Variants in SLC14A2 observed in about 807,000 individuals in gnomAD.
The protein encoded by SLC14A2 is urea transporter 2.
SLC14A2 carries 91 observed loss-of-function variants against 104.6 expected under a neutral mutation model. That is an observed-to-expected ratio of 0.87 (90% CI 0.73 to 1.04). SLC14A2 has a LOEUF of 1.04. SLC14A2 is among the 50% of genes least tolerant of loss of function. The probability of loss-of-function intolerance (pLI) is 0.00; values close to 1 mark genes in which losing one functional copy is unlikely to be tolerated. For missense variants in SLC14A2, 1,189 were observed against 1,156.0 expected (o/e 1.03, Z -0.41); for synonymous variants, 476 against 466.4 (o/e 1.02, Z -0.27).
chr18:45,551,770 A>G (rs772474003), intron 2 of SLC14A2, among the ~76,000 whole-genome samples: 6 of 152,158 alleles, frequency 3.9e-5, no homozygotes, highest in Non-Finnish European at 8.8e-5. Flanking sequence ...ACAAATGTTG[A>G]TACACTGGCT....
chr18:45,626,605 C>G (rs1309012667), intron 3 of SLC14A2, among the ~76,000 whole-genome samples: 3 of 152,138 alleles, frequency 2.0e-5, no homozygotes, highest in East Asian at 1.9e-4. Flanking sequence ...CCCACCCCCC[C>G]ACCTTCCCCA....
intron 1 of SLC14A2, among the ~76,000 whole-genome samples, chr18:45,238,509 C>A (rs1274567421): frequency 2.0e-5 from 3 of 151,952 alleles, no homozygotes; most frequent in Non-Finnish European, 4.4e-5. Flanking sequence ...TAGCCAGGAA[C>A]AAAAATGAGT....
chr18:45,625,857 C>T lies in SLC14A2; in HGVS notation c.325C>T (p.Leu109=). Residue 109 remains leucine (L), a synonymous_variant, in exon 3 of 20, where the codon CTG becomes TTG. Coordinates refer to ENST00000255226, the MANE Select transcript of SLC14A2 (RefSeq NM_007163.4). ...CGACATGAAGGAGTACAGGATCTGGCTGAAAGGTAGGAAAATACCCTGGGG... is the reference window on the plus strand; with the variant it reads ...CGACATGAAGGAGTACAGGATCTGGTTGAAAGGTAGGAAAATACCCTGGGG... ...TGDMKEYRIW[L]KDKHLALQFI... 1.4e-6 allele frequency: 2 copies of T among 1,467,444 alleles called. No homozygotes were observed. The allele number at this position is 1,467,444 out of a possible 1,614,324, so 90.9% of individuals were successfully genotyped here. A position where few individuals can be genotyped will look rare whatever the true frequency, so the allele number is the denominator to read the frequency against.
the SLC14A2 span, among the ~76,000 whole-genome samples, chr18:45,199,835 G>A: frequency 9.2e-5 from 14 of 152,120 alleles, no homozygotes; most frequent in Non-Finnish European, 7.4e-5. Flanking sequence ...TGGGAACCAC[G>A]ATCATGTGAG....
In SLC14A2 at chr18:45,670,145, G is replaced by A. The variant is rs16978441; in HGVS notation, c.2229+647G>A. ...AAAACAAAAACCCCAAAATCAAATCGTTTTCTTGCTAAATACTGGTGCTTC... is the reference window on the plus strand; with the variant it reads ...AAAACAAAAACCCCAAAATCAAATCATTTTCTTGCTAAATACTGGTGCTTC... On this transcript the variant is annotated intron_variant, in intron 16 of 19. Coordinates refer to ENST00000255226, the MANE Select transcript of SLC14A2 (RefSeq NM_007163.4). Among the ~76,000 whole-genome samples the A allele has an allele frequency of 8.5e-3, 1,288 of 152,016 alleles. 55 individuals are homozygous for A. Among genetic ancestry groups the A allele is most frequent in the Admixed American group, 0.064 (976 of 15,252 alleles).
chr18:45,656,832 C>G (rs532904768), intron 10 of SLC14A2, among the ~76,000 whole-genome samples: 2 of 152,336 alleles, frequency 1.3e-5, no homozygotes, highest in Admixed American at 6.5e-5. Flanking sequence ...CTTTGGCCAA[C>G]AAGTGAGCTG....
the SLC14A2 span, among the ~76,000 whole-genome samples, chr18:45,170,134 T>C: frequency 0.078 from 11,886 of 152,148 alleles, 646 homozygotes; most frequent in Non-Finnish European, 0.12. Context: ...CACTTTTGAG[T>C]CGTGGCTCGG....
At chr18:45,223,883 G>A (rs1424074877) in intron 1 of SLC14A2, among the ~76,000 whole-genome samples, 1 of 152,152 alleles carries the variant, frequency 6.6e-6, no homozygotes, top group Non-Finnish European at 1.5e-5. Flanking sequence ...CCTTTGTGAG[G>A]TGCTCCTTTG....
At chr18:45,344,157 CAA>C (rs61445399) in intron 1 of SLC14A2, among the ~76,000 whole-genome samples, 8,321 of 152,298 alleles carry the variant, frequency 0.055, 269 homozygotes, top group Admixed American at 0.068. Flanking sequence ...TAGTACCTGA[CAA>C]TCTCCCATGT....
At chr18:45,591,060 C>A (rs2044639884) in intron 2 of SLC14A2, among the ~76,000 whole-genome samples, 1 of 152,032 alleles carries the variant, frequency 6.6e-6, no homozygotes, top group Non-Finnish European at 1.5e-5. Flanking sequence ...CCCACCCCAA[C>A]ACACAGACCT....
chr18:45,545,289 G>T (rs1264284951), intron 2 of SLC14A2, among the ~76,000 whole-genome samples: 2 of 152,030 alleles, frequency 1.3e-5, no homozygotes, highest in Non-Finnish European at 1.5e-5. Flanking sequence ...CATCCCCATC[G>T]GGCCACATAG....
rs2044366770 is a variant in SLC14A2 at position 45,572,796 on chromosome 18, A to T, written c.-34-51835A>T. Among the ~76,000 whole-genome samples the T allele has an allele frequency of 2.6e-5, 4 of 152,240 alleles. 1 individual carries two copies. Among genetic ancestry groups the T allele is most frequent in the African/African-American group, 9.6e-5 (4 of 41,464 alleles). On this transcript the variant is annotated intron_variant, in intron 2 of 20. Coordinates refer to the SLC14A2 transcript ENST00000586448. ...TTCCCCACTGGGCTGTAACACTTAC[A>T]AATGGTGGAAATCAAGATTTCTCGA...
chr18:45,425,133 G>A lies in SLC14A2; in HGVS notation c.-124-58100G>A, dbSNP rs1053733307. 7.9e-5 allele frequency among the ~76,000 whole-genome samples: 12 copies of A among 152,240 alleles called. No individual in the cohort carries two copies. In the East Asian group the frequency reaches 1.5e-3, roughly 20 times the overall value. ...TTAGGAGTTGAGATTTTCAAGGCAC[G>A]AATAAAAGTTTTCATAAGAAGCTTC... On this transcript the variant is annotated intron_variant, in intron 1 of 20. Coordinates refer to the SLC14A2 transcript ENST00000586448.
chr18:45,381,371 T>C lies in SLC14A2; in HGVS notation c.-124-101862T>C, dbSNP rs1279616149. ...CAAACATATCTTTGACCAAACCTCTTATTTTATAGTTGAGCAAATTAAGGA... is the reference window on the plus strand; with the variant it reads ...CAAACATATCTTTGACCAAACCTCTCATTTTATAGTTGAGCAAATTAAGGA... On this transcript the variant is annotated intron_variant, in intron 1 of 20. Coordinates refer to the SLC14A2 transcript ENST00000586448. 5.3e-5 allele frequency among the ~76,000 whole-genome samples: 8 copies of C among 152,236 alleles called. No individual in the cohort carries two copies. The East Asian group carries it at 1.5e-3, about 29-fold the overall frequency.
chr18:45,277,763 A>G (rs2084718052), intron 1 of SLC14A2, among the ~76,000 whole-genome samples: 1 of 152,224 alleles, frequency 6.6e-6, no homozygotes, highest in Non-Finnish European at 1.5e-5. Flanking sequence ...TTGAAGATAA[A>G]TGAGAAAACA....
chr18:45,265,482 C>A (rs2084583087), intron 1 of SLC14A2, among the ~76,000 whole-genome samples: 1 of 152,150 alleles, frequency 6.6e-6, no homozygotes, highest in Non-Finnish European at 1.5e-5. Flanking sequence ...GGTTCTATAA[C>A]ACATCCCTTC....
chr18:45,670,164 G>A (rs951327144), intron 16 of SLC14A2, among the ~76,000 whole-genome samples: 3 of 146,302 alleles, frequency 2.1e-5, no homozygotes, highest in South Asian at 2.2e-4. Flanking sequence ...CTAAATACTG[G>A]TGCTTCTCAG....
At chr18:45,300,776 T>C (rs1032170281) in intron 1 of SLC14A2, among the ~76,000 whole-genome samples, 2 of 152,216 alleles carry the variant, frequency 1.3e-5, no homozygotes, top group Non-Finnish European at 2.9e-5. Context: ...GAAACATAGA[T>C]GGGAAGTGCA....
intron 2 of SLC14A2, among the ~76,000 whole-genome samples, chr18:45,535,752 G>A (rs942462456): frequency 1.3e-5 from 2 of 152,190 alleles, no homozygotes; most frequent in Non-Finnish European, 2.9e-5. Flanking sequence ...TTCTGCCTGA[G>A]CCTCAGTTTC....
Sources: allele counts gnomAD v4.1 joint callset (sites outside exome capture counted in the v4.1 genomes callset), GRCh38; gene constraint gnomAD v4.1.1; transcripts MANE v1.5; gene names NCBI Gene and HGNC (gene_info 2026-07-23, HGNC 2026-07-21).